Variants in NBAS observed in about 807,000 individuals in gnomAD.
NBAS encodes the protein NAG/BC035112 fusion.
In NBAS, 219 loss-of-function variants were observed where a neutral mutation model predicts 302.5. The observed-to-expected ratio is 0.72, with a 90% CI of 0.65 to 0.81. The LOEUF (loss-of-function observed/expected upper bound fraction) is 0.81. NBAS is among the 30% of genes least tolerant of loss of function. The probability of loss-of-function intolerance (pLI) is 0.00; values close to 1 mark genes in which losing one functional copy is unlikely to be tolerated. For missense variants in NBAS, 2,932 were observed against 2,841.6 expected, an observed-to-expected ratio of 1.03 and a Z score of -0.72; for synonymous variants, 1,118 against 1,021.6, an observed-to-expected ratio of 1.09 and a Z score of -1.80.
intron 26 of NBAS, among the ~76,000 whole-genome samples, chr2:15,400,014 C>T (rs1261409033): frequency 1.3e-5 from 2 of 151,986 alleles, no homozygotes; most frequent in Non-Finnish European, 2.9e-5. Flanking sequence ...AAAATACCTC[C>T]CAGGCAATCT....
chr2:14,990,985 G>A, the NBAS span, among the ~76,000 whole-genome samples: 1 of 152,164 alleles, frequency 6.6e-6, no homozygotes, highest in Non-Finnish European at 1.5e-5. Context: ...CTGAGCCTGG[G>A]CTTGAAGTGG....
the NBAS span, among the ~76,000 whole-genome samples, chr2:14,867,543 C>A: frequency 6.6e-6 from 1 of 152,158 alleles, no homozygotes; most frequent in Non-Finnish European, 1.5e-5. Flanking sequence ...CTCCATCTTA[C>A]AATTCTACAA....
chr2:15,321,983 A>G (rs1671829479), intron 38 of NBAS, among the ~76,000 whole-genome samples: 2 of 152,346 alleles, frequency 1.3e-5, no homozygotes, highest in South Asian at 4.1e-4. Flanking sequence ...AAGAGTTGGA[A>G]CCAACCCAAA....
At chr2:14,907,942 G>C in the NBAS span, among the ~76,000 whole-genome samples, 1 of 152,184 alleles carries the variant, frequency 6.6e-6, no homozygotes, top group African/African-American at 2.4e-5. Context: ...TTTTGTCCTG[G>C]AGCAGCAGTT....
At chr2:15,532,392 G>T (rs1025477274) in intron 9 of NBAS, among the ~76,000 whole-genome samples, 6 of 151,254 alleles carry the variant, frequency 4.0e-5, no homozygotes, top group Non-Finnish European at 4.4e-5. Flanking sequence ...GGGAGGCTGA[G>T]GCAGGACAAT....
At chr2:14,840,524 A>G in the NBAS span, among the ~76,000 whole-genome samples, 4 of 152,142 alleles carry the variant, frequency 2.6e-5, no homozygotes, top group Non-Finnish European at 4.4e-5. Flanking sequence ...TTCTAAAAGC[A>G]GCGAGAGAAA....
intron 28 of NBAS, among the ~76,000 whole-genome samples, chr2:15,392,695 C>G (rs1296350937): frequency 6.6e-6 from 1 of 151,932 alleles, no homozygotes; most frequent in Non-Finnish European, 1.5e-5. Flanking sequence ...GATAGCAACA[C>G]TCTCCAAATT....
the NBAS span, among the ~76,000 whole-genome samples, chr2:15,142,924 G>A: frequency 6.6e-6 from 1 of 152,184 alleles, no homozygotes; most frequent in Non-Finnish European, 1.5e-5. Flanking sequence ...ATAATTAAAG[G>A]TTGAGCAAAG....
the NBAS span, among the ~76,000 whole-genome samples, chr2:14,978,809 T>C: frequency 1.3e-5 from 2 of 152,222 alleles, no homozygotes; most frequent in Non-Finnish European, 2.9e-5. Flanking sequence ...TACATTTCAA[T>C]GATTCTCTCT....
intron 21 of NBAS, among the ~76,000 whole-genome samples, chr2:15,460,896 T>C (rs1219591840): frequency 2.0e-5 from 3 of 152,120 alleles, no homozygotes; most frequent in Non-Finnish European, 4.4e-5. Flanking sequence ...AAGATACAAC[T>C]AACTCAGACA....
the NBAS span, among the ~76,000 whole-genome samples, chr2:15,018,360 C>G: frequency 6.6e-6 from 1 of 151,954 alleles, no homozygotes; most frequent in Non-Finnish European, 1.5e-5. Context: ...ATCCTGATCA[C>G]TGTACCTTAT....
chr2:15,043,587 C>T, the NBAS span, among the ~76,000 whole-genome samples: 4 of 152,186 alleles, frequency 2.6e-5, no homozygotes, highest in African/African-American at 9.7e-5. Flanking sequence ...TAAACAGCAT[C>T]ACATGCCTCC....
intron 28 of NBAS, among the ~76,000 whole-genome samples, chr2:15,389,990 A>C (rs781404361): frequency 6.6e-5 from 10 of 152,228 alleles, no homozygotes; most frequent in Non-Finnish European, 5.9e-5. Context: ...GATAAAGCAC[A>C]TGCAGGATGA....
chr2:15,448,586 T>C (rs1678861722), intron 21 of NBAS, among the ~76,000 whole-genome samples: 1 of 152,244 alleles, frequency 6.6e-6, no homozygotes. Flanking sequence ...CAGCACCATA[T>C]GCCATGTGAT....
intron 6 of NBAS, among the ~76,000 whole-genome samples, chr2:15,543,921 A>G (rs868416400): frequency 7.2e-5 from 11 of 152,200 alleles, no homozygotes; most frequent in Non-Finnish European, 5.9e-5. Context: ...CATAATGTTT[A>G]TGACCAGTGC....
At chr2:15,160,585 C>CGG in the NBAS span, among the ~76,000 whole-genome samples, 8 of 92,282 alleles carry the variant, frequency 8.7e-5, no homozygotes, top group South Asian at 4.1e-4. Context: ...CCAGTGTGGG[C>CGG]GGGGGGAGGG....
At chr2:14,954,290 G>T in the NBAS span, among the ~76,000 whole-genome samples, 26 of 152,218 alleles carry the variant, frequency 1.7e-4, no homozygotes, top group Non-Finnish European at 3.7e-4. Context: ...GCGCATGCAT[G>T]AGTGTTAGGT....
chr2:15,293,752 G>A (rs919640729), intron 40 of NBAS, among the ~76,000 whole-genome samples: 4 of 152,102 alleles, frequency 2.6e-5, no homozygotes, highest in Non-Finnish European at 5.9e-5. Context: ...ATCTGCACAG[G>A]AGATTTGTCA....
chr2:15,168,860 C>T (rs533481028), intron 51 of NBAS, among the ~76,000 whole-genome samples: 41 of 152,320 alleles, frequency 2.7e-4, no homozygotes, highest in African/African-American at 9.6e-4. Context: ...AACTCCTGAC[C>T]TCAGGTGATC....
Sources: allele counts gnomAD v4.1 joint callset (sites outside exome capture counted in the v4.1 genomes callset), GRCh38; gene constraint gnomAD v4.1.1; transcripts MANE v1.5; gene names NCBI Gene and HGNC (gene_info 2026-07-23, HGNC 2026-07-21).